MYO5C: variants seen among roughly 807,000 people sequenced by gnomAD.
MYO5C encodes myosin VC.
A neutral mutation model predicts 235.7 loss-of-function variants in MYO5C; 194 were observed. The observed-to-expected ratio is 0.82, with a 90% CI of 0.73 to 0.93. The LOEUF (loss-of-function observed/expected upper bound fraction) is 0.93, where lower values mean the gene tolerates loss of function less well. MYO5C is among the 40% of genes least tolerant of loss of function. The pLI, the probability that MYO5C is intolerant of heterozygous loss-of-function variation, is 0.00. For synonymous variants in MYO5C, 707 were observed against 754.8 expected (o/e 0.94, Z 1.04); for missense variants, 2,038 against 2,127.2 (o/e 0.96, Z 0.82).
At chr15:52,268,238 G>A (rs543043665) in intron 8 of MYO5C, among the ~76,000 whole-genome samples, 182 of 152,264 alleles carry the variant, frequency 1.2e-3, no homozygotes, top group South Asian at 3.1e-3. Flanking sequence ...ATGAATCGGC[G>A]GGACATTTCA....
intron 24 of MYO5C, among the ~76,000 whole-genome samples, chr15:52,231,406 G>A (rs1285754984): frequency 6.6e-6 from 1 of 152,126 alleles, no homozygotes; most frequent in Non-Finnish European, 1.5e-5. Context: ...CCTCAGCCTG[G>A]CTCTCCAAGA....
intron 39 of MYO5C, 78 bp downstream of exon 39, chr15:52,196,231 G>A (rs1272120907): frequency 7.0e-7 from 1 of 1,428,444 alleles, no homozygotes; most frequent in African/African-American, 1.4e-5. Flanking sequence ...CCCACAGCTG[G>A]CTAAACCAAG....
intron 4 of MYO5C, among the ~76,000 whole-genome samples, chr15:52,276,869 G>A (rs2037063221): frequency 6.6e-6 from 1 of 152,058 alleles, no homozygotes; most frequent in Non-Finnish European, 1.5e-5. Context: ...ACATGGCTCT[G>A]TGGATGTGGC....
chr15:52,273,513 G>A (rs540982842), intron 5 of MYO5C, among the ~76,000 whole-genome samples: 180 of 152,264 alleles, frequency 1.2e-3, no homozygotes, highest in Middle Eastern at 3.4e-3. Flanking sequence ...TGTCACGAGG[G>A]TGGAGCCCCT....
rs1399891982 is a variant in MYO5C at position 52,193,845 on chromosome 15, C to T, written c.*57G>A. ...CACTGCCAATTAATAAAACACATCC[C>T]TCATATTGAACCTTCACTTAGCTTT... On this transcript the variant is annotated 3_prime_UTR_variant, in exon 41 of 41. Coordinates refer to ENST00000261839, the MANE Select transcript of MYO5C (RefSeq NM_018728.4). 6.4e-7 allele frequency: 1 copy of T among 1,553,128 alleles called. No homozygotes were observed. Among genetic ancestry groups the T allele is most frequent in the East Asian group, 2.3e-5 (1 of 43,260 alleles).
intron 1 of MYO5C, among the ~76,000 whole-genome samples, chr15:52,285,184 A>G (rs921661640): frequency 6.6e-6 from 1 of 152,118 alleles, no homozygotes; most frequent in Admixed American, 6.5e-5. Flanking sequence ...CTTGGCCAAC[A>G]TGGTGAAACC....
Position 52,245,425 on chromosome 15 carries a change from T to A in MYO5C, c.2107A>T (p.Met703Leu). 6.2e-7 allele frequency: 1 copy of A among 1,609,904 alleles called. No homozygotes were observed. The highest frequency in any genetic ancestry group is 1.7e-5 in the Admixed American group (1 of 59,976). ...IEFYSRYGILMTKQELSFSDK... is the reference protein window; with the variant it reads ...IEFYSRYGILLTKQELSFSDK... Reference sequence around the variant, plus strand: ...CTGAAGGAAAGCTCTTGCTTGGTCATGAGAATGCCGTAGCGACTGTAGAAC... The same window carrying A: ...CTGAAGGAAAGCTCTTGCTTGGTCAAGAGAATGCCGTAGCGACTGTAGAAC... The change falls in exon 18 of 41, where the codon ATG (methionine) becomes TTG (leucine). Residue 703 changes from methionine (M) to leucine (L), a missense_variant. Met to Leu is a conservative substitution (Grantham distance 15). Coordinates refer to ENST00000261839, the MANE Select transcript of MYO5C (RefSeq NM_018728.4).
chr15:52,256,471 A>G (rs1010869916), intron 11 of MYO5C, among the ~76,000 whole-genome samples, 168 bp downstream of exon 11: 1 of 151,976 alleles, frequency 6.6e-6, no homozygotes, highest in Non-Finnish European at 1.5e-5. Flanking sequence ...TGTGATTTCA[A>G]GATTTGGCCA....
At chr15:52,232,218 A>AGG (rs1566971534) in intron 24 of MYO5C, among the ~76,000 whole-genome samples, 9 of 59,316 alleles carry the variant, frequency 1.5e-4, no homozygotes, top group Admixed American at 5.5e-4. Flanking sequence ...AAAAGAAAGA[A>AGG]AATGAAAGAA....
chr15:52,247,718 C>T, intron 14 of MYO5C, 126 bp from the exon 15 acceptor site: 1 of 977,248 alleles, frequency 1.0e-6, no homozygotes, highest in Non-Finnish European at 1.5e-6. Flanking sequence ...TCACCAACAT[C>T]TACAGCCAAA....
intron 25 of MYO5C, 64 bp downstream of exon 25, chr15:52,229,069 G>C: frequency 3.8e-6 from 6 of 1,587,984 alleles, no homozygotes; most frequent in Non-Finnish European, 5.2e-6. Context: ...TAATCTGTGG[G>C]AACTTGGAAT....
chr15:52,215,580 G>A (rs776954632), intron 32 of MYO5C, among the ~76,000 whole-genome samples: 34 of 152,148 alleles, frequency 2.2e-4, no homozygotes, highest in Non-Finnish European at 3.8e-4. Flanking sequence ...GGCTAGACAT[G>A]TTAGGAACTC....
chr15:52,238,447 T>C (rs938125958), intron 21 of MYO5C, among the ~76,000 whole-genome samples: 1 of 152,148 alleles, frequency 6.6e-6, no homozygotes, highest in African/African-American at 2.4e-5. Context: ...ACCAAGTCTA[T>C]TTCTTCACCC....
At chr15:52,281,547 G>A (rs961332032) in intron 2 of MYO5C, among the ~76,000 whole-genome samples, 2 of 152,208 alleles carry the variant, frequency 1.3e-5, no homozygotes. Flanking sequence ...GGGAAGCCCC[G>A]GGGAGCAGGA....
intron 32 of MYO5C, among the ~76,000 whole-genome samples, chr15:52,214,974 C>T (rs779485722): frequency 1.3e-5 from 2 of 152,142 alleles, no homozygotes; most frequent in Non-Finnish European, 2.9e-5. Flanking sequence ...CTTTCTGTCT[C>T]TATGGATTTG....
intron 1 of MYO5C, among the ~76,000 whole-genome samples, chr15:52,288,826 G>A (rs2037328789): frequency 1.3e-5 from 2 of 152,162 alleles, no homozygotes; most frequent in African/African-American, 4.8e-5. Flanking sequence ...CAACTTCCCT[G>A]AGTGCCCTCC....
chr15:52,229,377 C>G (rs567063459), intron 24 of MYO5C, 64 bp from the exon 25 acceptor site: 2 of 1,521,802 alleles, frequency 1.3e-6, no homozygotes, highest in Non-Finnish European at 1.8e-6. Flanking sequence ...GTAATCCCAG[C>G]ACTTTGGGAG....
At chr15:52,235,629 T>C (rs1203159698) in intron 23 of MYO5C, 41 bp downstream of exon 23, 2 of 1,505,098 alleles carry the variant, frequency 1.3e-6, no homozygotes, top group African/African-American at 2.8e-5. Context: ...ACTGAGTGAC[T>C]AAATCAGTGA....
intron 1 of MYO5C, 70 bp downstream of exon 1, chr15:52,295,540 C>T: frequency 2.0e-6 from 3 of 1,480,836 alleles, no homozygotes; most frequent in Non-Finnish European, 2.7e-6. Flanking sequence ...GGCCCGGGCG[C>T]CAGGTCGAGT....
Sources: gnomAD v4.1 joint callset for allele counts (sites outside exome capture counted in the v4.1 genomes callset) on GRCh38, gnomAD v4.1.1 for gene constraint, MANE v1.5 for transcripts, NCBI Gene and HGNC (gene_info 2026-07-23, HGNC 2026-07-21) for gene names.